Variants in ADAM12 observed in about 807,000 individuals in gnomAD.
ADAM12 encodes the protein disintegrin and metalloproteinase domain-containing protein 12.
ADAM12 carries 70 observed loss-of-function variants against 106.4 expected under a neutral mutation model. That is an observed-to-expected ratio of 0.66 (90% CI 0.54 to 0.80). The LOEUF (loss-of-function observed/expected upper bound fraction) is 0.80, where lower values mean the gene tolerates loss of function less well. Ranked by LOEUF, ADAM12 falls within the 30% of genes least tolerant of loss-of-function variation. The probability of loss-of-function intolerance (pLI) is 0.00; values close to 1 mark genes in which losing one functional copy is unlikely to be tolerated. For synonymous variants in ADAM12, 420 were observed against 433.5 expected (o/e 0.97, Z 0.39); for missense variants, 1,010 against 1,171.9 (o/e 0.86, Z 2.02).
At chr10:126,342,077 G>T (rs141868076) in intron 1 of ADAM12, among the ~76,000 whole-genome samples, 2 of 152,182 alleles carry the variant, frequency 1.3e-5, no homozygotes, top group East Asian at 3.9e-4. Context: ...CCGACAGCAG[G>T]AATGTTCATT....
In ADAM12 at chr10:126,296,981, A is replaced by T. The variant is rs147423159; in HGVS notation, c.187-17993T>A. ...CCAGGGGCTGTGCTAGGCTTATTAA[A>T]AGCATGAGATGCTGGTGTTGGTGAG... On this transcript the variant is annotated intron_variant, in intron 2 of 22. Transcript: ENST00000448723. Among the ~76,000 whole-genome samples, 138 of 152,330 alleles carry T rather than the reference A, an allele frequency of 9.1e-4. 1 individual carries two copies. The highest frequency in any genetic ancestry group is 3.2e-3 in the African/African-American group (133 of 41,576).
chr10:126,275,796 T>C (rs370312147), intron 3 of ADAM12, among the ~76,000 whole-genome samples: 21 of 152,166 alleles, frequency 1.4e-4, no homozygotes, highest in African/African-American at 5.1e-4. Flanking sequence ...GTTTTTACAA[T>C]AGTTTTTTTC....
intron 1 of ADAM12, among the ~76,000 whole-genome samples, chr10:126,350,657 T>G (rs561985908): frequency 2.1e-4 from 32 of 152,360 alleles, no homozygotes; most frequent in African/African-American, 7.2e-4. Context: ...TGTCTCCCAG[T>G]TGCCAGGCAC....
chr10:126,268,379 T>C (rs1959142867), intron 3 of ADAM12, among the ~76,000 whole-genome samples: 2 of 152,210 alleles, frequency 1.3e-5, no homozygotes, highest in African/African-American at 2.4e-5. Flanking sequence ...CATCTGTCGA[T>C]GAACACTTGG....
At chr10:126,350,441 G>A (rs569660999) in intron 1 of ADAM12, among the ~76,000 whole-genome samples, 1 of 152,334 alleles carries the variant, frequency 6.6e-6, no homozygotes, top group African/African-American at 2.4e-5. Flanking sequence ...AGAAAGGGAG[G>A]AAGAGGGGAG....
intron 1 of ADAM12, among the ~76,000 whole-genome samples, chr10:126,380,397 C>T (rs1856448673): frequency 6.6e-6 from 1 of 152,214 alleles, no homozygotes; most frequent in Admixed American, 6.5e-5. Context: ...CTGTTTGCCA[C>T]AGCTAGGTTA....
intron 2 of ADAM12, among the ~76,000 whole-genome samples, chr10:126,324,571 T>A (rs2133840691): frequency 6.6e-6 from 1 of 152,212 alleles, no homozygotes; most frequent in Middle Eastern, 3.4e-3. Context: ...GTACCCTACC[T>A]CCTTTTGTAG....
intron 3 of ADAM12, among the ~76,000 whole-genome samples, chr10:126,236,201 G>GA (rs1428300640): frequency 1.3e-5 from 2 of 152,218 alleles, no homozygotes; most frequent in Admixed American, 6.5e-5. Context: ...GTGGAGACAA[G>GA]AAAAGGAAGG....
chr10:126,315,264 G>T lies in ADAM12; in HGVS notation c.186+15148C>A, dbSNP rs145564115. Among the ~76,000 whole-genome samples, 154 of 152,278 alleles carry T rather than the reference G, an allele frequency of 1.0e-3. 2 individuals carry two copies. The highest frequency in any genetic ancestry group is 7.1e-4 in the Non-Finnish European group (48 of 68,018). ...TTAACTAAAGACGTACGTTTCCACA[G>T]CTTCTGGACATTTATTTTATAGGAA... is the stretch of plus-strand genomic sequence containing the variant. On this transcript the variant is annotated intron_variant, in intron 2 of 22. Coordinates refer to ENST00000448723, the MANE Select transcript of ADAM12 (RefSeq NM_001288973.2).
At chr10:126,337,962 A>G (rs1854769826) in intron 1 of ADAM12, among the ~76,000 whole-genome samples, 1 of 152,198 alleles carries the variant, frequency 6.6e-6, no homozygotes, top group Non-Finnish European at 1.5e-5. Context: ...ATGATGACAA[A>G]ACAACAATTC....
intron 1 of ADAM12, among the ~76,000 whole-genome samples, chr10:126,386,697 C>T (rs939389098): frequency 6.6e-6 from 1 of 152,204 alleles, no homozygotes; most frequent in African/African-American, 2.4e-5. Context: ...TGTCCCTGCT[C>T]AGTAGACTTC....
chr10:126,145,382 T>C (rs1389211858), intron 4 of ADAM12: 1 of 152,552 alleles, frequency 6.6e-6, no homozygotes, highest in African/African-American at 2.4e-5. Flanking sequence ...ACTCCATTTA[T>C]AGACTAATTC....
chr10:126,211,600 C>G (rs1194725479), intron 3 of ADAM12, among the ~76,000 whole-genome samples: 1 of 152,032 alleles, frequency 6.6e-6, no homozygotes, highest in Non-Finnish European at 1.5e-5. Flanking sequence ...GATCCTGGAC[C>G]CTCCAGTAGT....
intron 3 of ADAM12, among the ~76,000 whole-genome samples, chr10:126,203,267 T>C (rs547912636): frequency 3.6e-5 from 5 of 140,480 alleles, no homozygotes; most frequent in Non-Finnish European, 6.1e-5. Flanking sequence ...AAGTATTCTT[T>C]ATTTGACATG....
rs1382310314 is a variant in ADAM12, at chr10:126,017,266, A to C, written c.*13T>G. On this transcript the variant is annotated 3_prime_UTR_variant, in exon 23 of 23. Transcript: ENST00000448723. Reference sequence around the variant, plus strand: ...AACTTCTGTCTTCACTGTTGAAAAAAGGTGTCGGCTTCTCACTTAATATAG... The same window carrying C: ...AACTTCTGTCTTCACTGTTGAAAAACGGTGTCGGCTTCTCACTTAATATAG... 7 of 1,584,632 alleles carry C rather than the reference A, an allele frequency of 4.4e-6. No homozygotes were observed. Among genetic ancestry groups the C allele is most frequent in the Non-Finnish European group, 6.0e-6 (7 of 1,164,042 alleles).
chr10:126,102,161 T>A (rs1003717599), intron 8 of ADAM12, among the ~76,000 whole-genome samples: 1 of 152,116 alleles, frequency 6.6e-6, no homozygotes, highest in African/African-American at 2.4e-5. Context: ...GGTAGAGGTA[T>A]GACCTACCCA....
chr10:126,082,314 T>C (rs1436248006), intron 11 of ADAM12, among the ~76,000 whole-genome samples: 1 of 145,226 alleles, frequency 6.9e-6, no homozygotes, highest in Non-Finnish European at 1.5e-5. Flanking sequence ...GAGTGAGACG[T>C]GGCCACAAAT....
At chr10:126,213,815 C>T (rs1957941554) in intron 3 of ADAM12, among the ~76,000 whole-genome samples, 3 of 152,198 alleles carry the variant, frequency 2.0e-5, no homozygotes, top group African/African-American at 4.8e-5. Flanking sequence ...AATGCTAGAA[C>T]GAACTCTTGT....
chr10:126,379,894 A>C (rs553406916), intron 1 of ADAM12, among the ~76,000 whole-genome samples: 28 of 152,310 alleles, frequency 1.8e-4, no homozygotes, highest in African/African-American at 6.7e-4. Flanking sequence ...CAAATTGCAG[A>C]CCAGTGCTCA....
Sources: allele counts gnomAD v4.1 joint callset (sites outside exome capture counted in the v4.1 genomes callset), GRCh38; gene constraint gnomAD v4.1.1; transcripts MANE v1.5; gene names NCBI Gene and HGNC (gene_info 2026-07-23, HGNC 2026-07-21).